Variants in KLK12 observed in about 807,000 individuals in gnomAD.
KLK12 encodes kallikrein-12.
KLK12 carries 23 observed loss-of-function variants against 20.0 expected under a neutral mutation model. That is an observed-to-expected ratio of 1.15 (90% CI 0.83 to 1.63). The LOEUF (loss-of-function observed/expected upper bound fraction) is 1.63, where lower values mean the gene tolerates loss of function less well. KLK12 is among the 40% of genes most tolerant of loss of function. The pLI, the probability that KLK12 is intolerant of heterozygous loss-of-function variation, is 0.00. For synonymous variants in KLK12, 147 were observed against 141.9 expected (o/e 1.04, Z -0.25); for missense variants, 351 against 338.6 (o/e 1.04, Z -0.29).
In KLK12 at chr19:51,029,097, T is replaced by C; in HGVS notation, c.*205A>G. 1.3e-6 allele frequency: 2 copies of C among 1,562,444 alleles called. No individual in the cohort carries two copies. Among genetic ancestry groups the C allele is most frequent in the South Asian group, 1.1e-5 (1 of 89,592 alleles). On this transcript the variant is annotated 3_prime_UTR_variant, in exon 6 of 6. Coordinates refer to ENST00000684732, the MANE Select transcript of KLK12 (RefSeq NM_001370125.1). ...ACTTCAAATGGACAGACATGGCCCC[T>C]CCTTCATTTATATTTATTCCAGACT... is the stretch of plus-strand genomic sequence containing the variant.
chr19:51,031,756 C>G (rs770709057), intron 4 of KLK12, 120 bp downstream of exon 4: 66 of 1,139,826 alleles, frequency 5.8e-5, no homozygotes, highest in Non-Finnish European at 8.1e-5. Context: ...TCCTGATGTC[C>G]CATCCCACAC....
At chr19:51,034,708 C>T (rs2091595140) in intron 1 of KLK12, 68 bp from the exon 2 acceptor site, 24 of 1,555,736 alleles carry the variant, frequency 1.5e-5, no homozygotes, top group Non-Finnish European at 2.0e-5. Flanking sequence ...CTCTCTGCTT[C>T]TCTTTGAAGG....
intron 3 of KLK12, 66 bp downstream of exon 3, chr19:51,033,914 G>A: frequency 1.3e-6 from 2 of 1,487,226 alleles, no homozygotes; most frequent in East Asian, 2.3e-5. Flanking sequence ...ACCCTCCCTT[G>A]TGATCCTACC....
At chr19:51,031,802 T>G (rs763861058) in intron 4 of KLK12, 74 bp downstream of exon 4, 3 of 1,492,374 alleles carry the variant, frequency 2.0e-6, no homozygotes, top group African/African-American at 2.7e-5. Context: ...TGAGGTGTCA[T>G]GATTCGACCT....
chr19:51,030,634 G>A (rs575554491), intron 5 of KLK12, among the ~76,000 whole-genome samples, 154 bp downstream of exon 5: 1 of 152,164 alleles, frequency 6.6e-6, no homozygotes, highest in East Asian at 1.9e-4. Flanking sequence ...ACAGGTGTGA[G>A]CCTCCGTAAC....
At position 51,034,060 on chromosome 19, in the gene KLK12, C is replaced by T. The variant is rs1157637387; in HGVS notation, c.117G>A (p.Leu39=). 6.3e-7 allele frequency: 1 copy of T among 1,588,998 alleles called. No individual in the cohort carries two copies. The highest frequency in any genetic ancestry group is 1.3e-5 in the African/African-American group (1 of 74,436). The stretch of plus-strand genomic sequence containing the variant: ...CGCAGCGCAGGCTGGTGCCCTCAAA[C>T]AGCCCCACCTGCCACGGCTGTGAGT... The part of the protein sequence containing the change: ...GRNSQPWQVG[L]FEGTSLRCGG... Residue 39 remains leucine (L), a synonymous_variant, in exon 3 of 6, where the codon CTG becomes CTA. Coordinates refer to ENST00000684732, the MANE Select transcript of KLK12 (RefSeq NM_001370125.1).
Position 51,033,975 on chromosome 19 carries a change from C to T in KLK12, c.197+5G>A. The T allele has an allele frequency of 6.2e-7, 1 of 1,610,724 alleles. No homozygotes were observed. Among genetic ancestry groups the T allele is most frequent in the Non-Finnish European group, 8.5e-7 (1 of 1,179,194 alleles). ...TCCCTTCGCCCACCCCAGGAAGGGA[C>T]TTACCTGCCGCTGCAGTGAGCCGCT... On this transcript the variant is annotated splice_donor_5th_base_variant and intron_variant, in intron 3 of 5. Coordinates refer to ENST00000684732, the MANE Select transcript of KLK12 (RefSeq NM_001370125.1).
chr19:51,034,935 ACT>A lies in KLK12; in HGVS notation c.-151_-150del. The A allele has an allele frequency of 1.6e-6, 2 of 1,242,226 alleles. No individual in the cohort carries two copies. Among genetic ancestry groups the A allele is most frequent in the Middle Eastern group, 3.3e-4 (1 of 3,046 alleles). 77.0% of individuals were successfully genotyped at this position (1,242,226 alleles called of 1,614,324 possible). A position where few individuals can be genotyped will look rare whatever the true frequency, so the allele number is the denominator to read the frequency against. ...GGCCACTCCGCCAGCCAACTCTACC[ACT>A]CTGCACCTGGCTCCTCAGCCACCTG... On this transcript the variant is annotated 5_prime_UTR_variant, in exon 1 of 6. An upstream open reading frame in the 5' UTR gains an earlier in-frame stop. Transcript: ENST00000684732.
Position 51,034,036 on chromosome 19 carries a change from G to A in KLK12, c.141C>T (p.Cys47=), listed in dbSNP as rs375828206. The A allele has an allele frequency of 3.7e-5, 60 of 1,601,982 alleles. No homozygotes were observed. Among genetic ancestry groups the A allele is most frequent in the African/African-American group, 2.0e-4 (15 of 74,832 alleles). ...VGLFEGTSLR[C]GGVLIDHRWV... is the part of the protein sequence containing the mutation. ...ACCTGTGGTCAATAAGGACACCCCCGCAGCGCAGGCTGGTGCCCTCAAACA... is the reference window on the plus strand; with the variant it reads ...ACCTGTGGTCAATAAGGACACCCCCACAGCGCAGGCTGGTGCCCTCAAACA... Residue 47 remains cysteine, a synonymous_variant, in exon 3 of 6, where the codon TGC becomes TGT. Transcript: ENST00000684732.
chr19:51,032,624 T>C (rs949220961), intron 3 of KLK12, among the ~76,000 whole-genome samples: 1 of 151,966 alleles, frequency 6.6e-6, no homozygotes, highest in African/African-American at 2.4e-5. Flanking sequence ...TGACCTCAAG[T>C]GATCCGCCCG....
chr19:51,032,092 C>A lies in KLK12; in HGVS notation c.241G>T (p.Asp81Tyr), dbSNP rs546276676. Reference protein sequence around the residue: ...RLGEHSLSQLDWTEQIRHSGF... With the variant: ...RLGEHSLSQLYWTEQIRHSGF... ...CTGTGCCGGATCTGCTCGGTCCAGT[C>A]GAGCTGGCTGAGGCTGTGTTCCCCC... Residue 81 changes from aspartate to tyrosine, a missense_variant, in exon 4 of 6, where the codon GAC (aspartate) becomes TAC (tyrosine). By Grantham distance (160) the Asp-to-Tyr change is radical. Coordinates refer to ENST00000684732, the MANE Select transcript of KLK12 (RefSeq NM_001370125.1). 1.2e-6 allele frequency: 2 copies of A among 1,604,724 alleles called. No individual in the cohort carries two copies. The highest frequency in any genetic ancestry group is 1.7e-6 in the Non-Finnish European group (2 of 1,178,074).
chr19:51,031,324 C>T (rs941040915), intron 4 of KLK12, among the ~76,000 whole-genome samples: 1 of 152,026 alleles, frequency 6.6e-6, no homozygotes, highest in Non-Finnish European at 1.5e-5. Flanking sequence ...TAACCTCCAA[C>T]CTCAGCTCTG....
chr19:51,029,474 G>C lies in KLK12; in HGVS notation c.592-17C>G. 6.3e-7 allele frequency: 1 copy of C among 1,592,938 alleles called. No homozygotes were observed. The highest frequency in any genetic ancestry group is 8.6e-7 in the Non-Finnish European group (1 of 1,160,764). Reference sequence around the variant, plus strand: ...AGAATCACCCTGGAAGGGAAGAGAAGTACTGTCTGAACAAGGGAGACATCT... The same window carrying C: ...AGAATCACCCTGGAAGGGAAGAGAACTACTGTCTGAACAAGGGAGACATCT... On this transcript the variant is annotated splice_polypyrimidine_tract_variant and intron_variant, in intron 5 of 5. Transcript: ENST00000684732.
intron 3 of KLK12, among the ~76,000 whole-genome samples, chr19:51,032,403 T>C (rs1220433504): frequency 8.6e-5 from 12 of 139,460 alleles, no homozygotes; most frequent in African/African-American, 1.3e-4. Context: ...TTTTTTTTTT[T>C]CAAGACCGAG....
intron 4 of KLK12, 146 bp from the exon 5 acceptor site, chr19:51,031,067 A>G: frequency 3.5e-6 from 3 of 861,664 alleles, no homozygotes; most frequent in Non-Finnish European, 5.9e-6. Context: ...CAAGTTACAT[A>G]TTTATGACTT....
In KLK12 at chr19:51,033,788, AC is replaced by A. The variant is rs2091583830; in HGVS notation, c.197+191del. On this transcript the variant is annotated intron_variant, in intron 3 of 5. Coordinates refer to ENST00000684732, the MANE Select transcript of KLK12 (RefSeq NM_001370125.1). ...GTTCCAGGACCCTCCCCGGCCCTCCACCCAACATACCTCACCCTGCCCAGCA... is the reference window on the plus strand; with the variant it reads ...GTTCCAGGACCCTCCCCGGCCCTCCACCAACATACCTCACCCTGCCCAGCA... The A allele has an allele frequency of 1.7e-4, 111 of 649,886 alleles. 2 individuals carry two copies. The South Asian group carries it at 1.9e-3, about 11-fold the overall frequency. 40.3% of individuals were successfully genotyped at this position (649,886 alleles called of 1,614,324 possible). A position where few individuals can be genotyped will look rare whatever the true frequency, so the allele number is the denominator to read the frequency against.
In KLK12 at chr19:51,029,145, CTCGT is replaced by C. The variant is rs1243521317; in HGVS notation, c.*153_*156del. 6.2e-7 allele frequency: 1 copy of C among 1,613,648 alleles called. No homozygotes were observed. Among genetic ancestry groups the C allele is most frequent in the South Asian group, 1.1e-5 (1 of 91,072 alleles). Reference sequence around the variant, plus strand: ...ACTATTGCACACTTCTCTCACCCCGCTCGTGGGTCTTAGAAGGGCTGGCAGGAGT... The same window carrying C: ...ACTATTGCACACTTCTCTCACCCCGCGGGTCTTAGAAGGGCTGGCAGGAGT... On this transcript the variant is annotated 3_prime_UTR_variant, in exon 6 of 6. Transcript: ENST00000684732.
chr19:51,034,218 A>G, intron 2 of KLK12, 79 bp from the exon 3 acceptor site: 5 of 1,448,606 alleles, frequency 3.5e-6, no homozygotes. Context: ...TGAGAGAGAG[A>G]AACAGGCAGG....
In KLK12 at chr19:51,029,281, G is replaced by A. The variant is rs755177411; in HGVS notation, c.*21C>T. On this transcript the variant is annotated 3_prime_UTR_variant, in exon 6 of 6. Coordinates refer to ENST00000684732, the MANE Select transcript of KLK12 (RefSeq NM_001370125.1). ...AGGGGTACCCAAGTTAAGGGGTGGG[G>A]GTGGAGGTGGAGGAAACAGGTCAGT... is the stretch of plus-strand genomic sequence containing the variant. 1.2e-6 allele frequency: 2 copies of A among 1,614,022 alleles called. No homozygotes were observed. The highest frequency in any genetic ancestry group is 1.7e-6 in the Non-Finnish European group (2 of 1,179,988).
Sources: allele counts gnomAD v4.1 joint callset (sites outside exome capture counted in the v4.1 genomes callset), GRCh38; gene constraint gnomAD v4.1.1; transcripts MANE v1.5; gene names NCBI Gene and HGNC (gene_info 2026-07-23, HGNC 2026-07-21).